SHLD1: variants seen among roughly 807,000 people sequenced by gnomAD.
SHLD1 encodes RINN1-REV7-interacting novel NHEJ regulator 3.
In SHLD1, 3 loss-of-function variants were observed where a neutral mutation model predicts 5.5. The observed-to-expected ratio is 0.54, with a 90% CI of 0.25 to 1.40. SHLD1 has a LOEUF of 1.40. SHLD1 is among the 40% of genes most tolerant of loss of function. The pLI is 0.15. For missense variants in SHLD1, 210 were observed against 244.4 expected, an observed-to-expected ratio of 0.86 and a Z score of 0.94; for synonymous variants, 92 against 94.3, an observed-to-expected ratio of 0.98 and a Z score of 0.14.
intron 2 of SHLD1, among the ~76,000 whole-genome samples, chr20:5,843,303 T>G (rs902650987): frequency 6.6e-6 from 1 of 151,896 alleles, no homozygotes; most frequent in Admixed American, 6.6e-5. Flanking sequence ...TTCTTTTTTT[T>G]TTTTCCTTTT....
At chr20:5,752,791 T>TTTTG (rs765956543) in intron 1 of SHLD1, among the ~76,000 whole-genome samples, 10 of 151,772 alleles carry the variant, frequency 6.6e-5, no homozygotes. Flanking sequence ...AATTTTTGTA[T>TTTTG]TTTGTTTGTT....
intron 2 of SHLD1, among the ~76,000 whole-genome samples, chr20:5,830,757 G>A (rs1042643518): frequency 2.6e-5 from 4 of 151,806 alleles, no homozygotes; most frequent in African/African-American, 9.7e-5. Context: ...ATAGTTGAAA[G>A]GAGGCAAAAG....
At chr20:5,807,057 C>T (rs1378143127) in intron 2 of SHLD1, among the ~76,000 whole-genome samples, 1 of 152,186 alleles carries the variant, frequency 6.6e-6, no homozygotes, top group East Asian at 1.9e-4. Context: ...CAGCTGGAGC[C>T]CTGCAGGGCT....
At chr20:5,752,941 C>G (rs981577759) in intron 1 of SHLD1, among the ~76,000 whole-genome samples, 1 of 152,094 alleles carries the variant, frequency 6.6e-6, no homozygotes, top group Non-Finnish European at 1.5e-5. Flanking sequence ...ATTACAGGCA[C>G]GCATTGCCAT....
At chr20:5,858,994 T>C (rs923162672) in intron 2 of SHLD1, among the ~76,000 whole-genome samples, 1 of 152,122 alleles carries the variant, frequency 6.6e-6, no homozygotes, top group African/African-American at 2.4e-5. Context: ...GGAAAATATA[T>C]AAAAAGGCAA....
At chr20:5,752,814 A>T (rs1983839413) in intron 1 of SHLD1, among the ~76,000 whole-genome samples, 1 of 151,782 alleles carries the variant, frequency 6.6e-6, no homozygotes, top group Non-Finnish European at 1.5e-5. Flanking sequence ...TTTGTTTTTG[A>T]GATGGAGTCT....
rs2087475287 is a variant in SHLD1 at position 5,812,654 on chromosome 20, C to T, written c.178+39611C>T. On this transcript the variant is annotated intron_variant, in intron 2 of 2. Coordinates refer to ENST00000303142, the MANE Select transcript of SHLD1 (RefSeq NM_152504.4). ...TACTTTCACCAGGTATTATGCCTCA[C>T]TAAATGCAGAGTTCTTTTCTGTTTC... Among the ~76,000 whole-genome samples, 7 of 152,304 alleles carry T rather than the reference C, an allele frequency of 4.6e-5. No homozygotes were observed. In the South Asian group the frequency reaches 1.5e-3, roughly 32 times the overall value.
intron 1 of SHLD1, among the ~76,000 whole-genome samples, chr20:5,763,872 G>T (rs965910410): frequency 6.7e-6 from 1 of 150,082 alleles, no homozygotes; most frequent in Admixed American, 6.7e-5. Flanking sequence ...ACTTTGAGAG[G>T]CTGAGGTGGG....
chr20:5,795,066 C>T (rs1333665749), intron 2 of SHLD1, among the ~76,000 whole-genome samples: 3 of 151,186 alleles, frequency 2.0e-5, no homozygotes, highest in African/African-American at 7.3e-5. Context: ...TGGTGAAACT[C>T]TGTCTCTACT....
At chr20:5,824,291 G>A (rs2087641106) in intron 2 of SHLD1, among the ~76,000 whole-genome samples, 1 of 152,228 alleles carries the variant, frequency 6.6e-6, no homozygotes, top group African/African-American at 2.4e-5. Context: ...TCTCTGCTCA[G>A]ATGTGACTTC....
intron 1 of SHLD1, among the ~76,000 whole-genome samples, chr20:5,752,968 G>A (rs1185740229): frequency 6.6e-6 from 1 of 152,030 alleles, no homozygotes; most frequent in Non-Finnish European, 1.5e-5. Flanking sequence ...CTAATTTTTT[G>A]TATTTTCAGT....
At chr20:5,774,587 G>A (rs942229540) in intron 2 of SHLD1, among the ~76,000 whole-genome samples, 3 of 152,152 alleles carry the variant, frequency 2.0e-5, no homozygotes, top group Admixed American at 2.0e-4. Context: ...GCATCAATCA[G>A]GGCGGAAGGC....
intron 1 of SHLD1, among the ~76,000 whole-genome samples, chr20:5,760,327 T>G (rs554106828): frequency 6.6e-6 from 1 of 151,528 alleles, no homozygotes; most frequent in Admixed American, 6.6e-5. Context: ...GTGGGAGGCT[T>G]TGTTATGTTT....
At chr20:5,857,442 G>A (rs959467540) in intron 2 of SHLD1, among the ~76,000 whole-genome samples, 1 of 152,034 alleles carries the variant, frequency 6.6e-6, no homozygotes, top group African/African-American at 2.4e-5. Flanking sequence ...TCCCATCCAA[G>A]CAGCATAGAA....
chr20:5,825,498 T>C (rs1473137547), intron 2 of SHLD1, among the ~76,000 whole-genome samples: 1 of 152,194 alleles, frequency 6.6e-6, no homozygotes, highest in Non-Finnish European at 1.5e-5. Flanking sequence ...GAGAGGAAAG[T>C]GATTGCTCTG....
intron 1 of SHLD1, among the ~76,000 whole-genome samples, chr20:5,765,769 CTTTTTTTT>C (rs756234026): frequency 4.8e-5 from 3 of 62,074 alleles, no homozygotes; most frequent in African/African-American, 6.5e-5. Context: ...CGCACAAATC[CTTTTTTTT>C]TTTTTTTTTT....
At chr20:5,824,162 CCTT>C (rs1369625573) in intron 2 of SHLD1, among the ~76,000 whole-genome samples, 1 of 152,214 alleles carries the variant, frequency 6.6e-6, no homozygotes, top group Non-Finnish European at 1.5e-5. Flanking sequence ...GCCGCACTGG[CCTT>C]CTTTCTGGTC....
Position 5,858,269 on chromosome 20 carries a change from C to T in SHLD1, c.179-4755C>T. Among the ~76,000 whole-genome samples the T allele has an allele frequency of 1.3e-5, 2 of 152,202 alleles. 1 individual carries two copies. Among genetic ancestry groups the T allele is most frequent in the Middle Eastern group, 6.8e-3 (2 of 294 alleles). On this transcript the variant is annotated intron_variant, in intron 2 of 2. Coordinates refer to ENST00000303142, the MANE Select transcript of SHLD1 (RefSeq NM_152504.4). ...ATGCAGAAGGCAGAATTCTAAATAT[C>T]AAATCTATTTAGTAGAAACTTGTTA... is the stretch of plus-strand genomic sequence containing the variant.
chr20:5,812,516 G>A (rs1475420980), intron 2 of SHLD1, among the ~76,000 whole-genome samples: 2 of 152,148 alleles, frequency 1.3e-5, no homozygotes, highest in Non-Finnish European at 2.9e-5. Context: ...ACAAGTGAAC[G>A]AGTGGCCTCT....
Sources: allele counts gnomAD v4.1 joint callset (sites outside exome capture counted in the v4.1 genomes callset), GRCh38; gene constraint gnomAD v4.1.1; transcripts MANE v1.5; gene names NCBI Gene and HGNC (gene_info 2026-07-23, HGNC 2026-07-21).